Variants in TTN observed in about 807,000 individuals in gnomAD.
The protein encoded by TTN is connectin.
Under a neutral mutation model 3,223.0 loss-of-function variants are expected in TTN, and 1,525 were observed. The observed-to-expected ratio is 0.47, with a 90% CI of 0.45 to 0.49. TTN has a LOEUF of 0.49. TTN is among the 20% of genes least tolerant of loss of function. The probability of loss-of-function intolerance (pLI) is 0.00; values close to 1 mark genes in which losing one functional copy is unlikely to be tolerated. For missense variants in TTN, 40,786 were observed against 43,424.0 expected (o/e 0.94, Z 5.40); for synonymous variants, 14,094 against 15,161.0 (o/e 0.93, Z 5.17).
rs2055077788 is a variant in TTN at position 178,607,127 on chromosome 2, T to A, written c.53475A>T (p.Thr17825=). 1 of 1,612,924 alleles carries A rather than the reference T, an allele frequency of 6.2e-7. No individual in the cohort carries two copies. Among genetic ancestry groups the A allele is most frequent in the African/African-American group, 1.3e-5 (1 of 74,962 alleles). The change falls in exon 278 of 363, where the codon ACA becomes ACT. Residue 17825 remains threonine (T), a synonymous_variant. Transcript: ENST00000589042. ...TATATTCTTGTCCCTCAAGCAGACC[T>A]GTGATGTCACATTTAGATCTCTCAG... ...IETERSKCDI[T]GLLEGQEYKF...
At position 178,557,755 on chromosome 2, in the gene TTN, A is replaced by T; in HGVS notation, c.87599T>A (p.Met29200Lys). Residue 29200 changes from methionine (M) to lysine (K), a missense_variant, in exon 328 of 363, where the codon ATG becomes AAG. Met to Lys is a moderately conservative substitution (Grantham distance 95). Coordinates refer to ENST00000589042, the MANE Select transcript of TTN (RefSeq NM_001267550.2). Reference protein sequence around the residue: ...ATVARTMMKVMKLTTGEEYQF... With the variant: ...ATVARTMMKVKKLTTGEEYQF... ...GTATTCTTCTCCTGTGGTCAGTTTCATGACTTTCATCATGGTTCTTGCAAC... is the reference window on the plus strand; with the variant it reads ...GTATTCTTCTCCTGTGGTCAGTTTCTTGACTTTCATCATGGTTCTTGCAAC... The T allele has an allele frequency of 6.2e-7, 1 of 1,613,954 alleles. No homozygotes were observed.
At chr2:178,750,311 A>G (rs2085076828) in intron 47 of TTN, 2 of 1,613,148 alleles carry the variant, frequency 1.2e-6, no homozygotes, top group African/African-American at 2.7e-5. Flanking sequence ...CACTTTAAGC[A>G]TACTGGTTGT....
rs776781963 is a variant in TTN, at chr2:178,530,075, C to G, written c.106416G>C (p.Lys35472Asn). The G allele has an allele frequency of 6.2e-7, 1 of 1,611,170 alleles. No individual in the cohort carries two copies. Among genetic ancestry groups the G allele is most frequent in the East Asian group, 2.2e-5 (1 of 44,780 alleles). ...TATGAATTTCTAAGAAGAACCCTCCCTTGTCTTCAGAGAGTTTATATTTAC... is the reference window on the plus strand; with the variant it reads ...TATGAATTTCTAAGAAGAACCCTCCGTTGTCTTCAGAGAGTTTATATTTAC... ...QGGKYKLSED[K>N]GGFFLEIHKT... The change falls in exon 359 of 363, where the codon AAG becomes AAC. Residue 35472 changes from lysine (K) to asparagine (N), a missense_variant. Coordinates refer to ENST00000589042, the MANE Select transcript of TTN (RefSeq NM_001267550.2).
In TTN at chr2:178,562,837, G is replaced by A. The variant is rs1385922994; in HGVS notation, c.83295C>T (p.Asp27765=). 2 of 1,612,972 alleles carry A rather than the reference G, an allele frequency of 1.2e-6. No homozygotes were observed. Among genetic ancestry groups the A allele is most frequent in the Admixed American group, 1.7e-5 (1 of 59,880 alleles). ...KTAFVNVRVL[D]SPSAPVNLTI... is the part of the protein sequence containing the mutation. ...TCAAATTCACAGGGGCACTTGGTGAGTCAAGAACTCTGACGTTAACAAAAG... is the reference window on the plus strand; with the variant it reads ...TCAAATTCACAGGGGCACTTGGTGAATCAAGAACTCTGACGTTAACAAAAG... Residue 27765 remains aspartate, a synonymous_variant, in exon 326 of 363, where the codon GAC becomes GAT. Coordinates refer to ENST00000589042, the MANE Select transcript of TTN (RefSeq NM_001267550.2).
Position 178,721,906 on chromosome 2 carries a change from G to A in TTN, c.22757C>T (p.Thr7586Ile). ...KVGKGDSGQY[T>I]CQATNDVGKD... ...GCCAACATCATTGGTTGCTTGGCAA[G>A]TATATTGACCAGAGTCTCCTTTGCC... The change falls in exon 78 of 363, where the codon ACT becomes ATT. Residue 7586 changes from threonine to isoleucine, a missense_variant. Transcript: ENST00000589042. The A allele has an allele frequency of 1.2e-6, 2 of 1,613,410 alleles. No individual in the cohort carries two copies. The highest frequency in any genetic ancestry group is 1.7e-6 in the Non-Finnish European group (2 of 1,179,506).
At chr2:178,614,007 G>T (rs1012558974) in intron 262 of TTN, 45 bp downstream of exon 262, 1 of 1,609,486 alleles carries the variant, frequency 6.2e-7, no homozygotes, top group Non-Finnish European at 8.5e-7. Flanking sequence ...ATGCAAGTTT[G>T]ACATAAGCAT....
intron 344 of TTN, among the ~76,000 whole-genome samples, chr2:178,544,882 A>G (rs552338089): frequency 6.6e-6 from 1 of 152,140 alleles, no homozygotes; most frequent in Non-Finnish European, 1.5e-5. Context: ...TGAATACAAG[A>G]ATTGGTTTCC....
chr2:178,721,866 T>A lies in TTN; in HGVS notation c.22797A>T (p.Ser7599=). ...ATNDVGKDMC[S]AQLSVKEPPK... ...TGATACCTTTTACACTGAGCTGAGC[T>A]GAGCACATGTCTTTGCCAACATCAT... The change falls in exon 78 of 363, where the codon TCA becomes TCT. Residue 7599 remains serine (S), a synonymous_variant. Transcript: ENST00000589042. 6.2e-7 allele frequency: 1 copy of A among 1,611,208 alleles called. No homozygotes were observed. The highest frequency in any genetic ancestry group is 8.5e-7 in the Non-Finnish European group (1 of 1,178,500).
rs2080609627 is a variant in TTN at position 178,731,956 on chromosome 2, G to C, written c.16919C>G (p.Thr5640Ser). 5.0e-6 allele frequency: 8 copies of C among 1,606,436 alleles called. No individual in the cohort carries two copies. The highest frequency in any genetic ancestry group is 6.8e-6 in the Non-Finnish European group (8 of 1,174,332). ...GACTTCAATTGGCTTAAATTCCTTG[G>C]TAAAATAAGGTGACTCTACAGTAAA... ...IVIVKESPYFTKEFKPIEVLK... is the reference protein window; with the variant it reads ...IVIVKESPYFSKEFKPIEVLK... Residue 5640 changes from threonine (T) to serine (S), a missense_variant, in exon 58 of 363, where the codon ACC becomes AGC. Thr to Ser is a moderately conservative substitution (Grantham distance 58). Transcript: ENST00000589042.
intron 288 of TTN, 47 bp from the exon 289 acceptor site, chr2:178,599,897 G>A (rs1367224566): frequency 9.4e-6 from 14 of 1,495,528 alleles, no homozygotes; most frequent in Non-Finnish European, 1.2e-5. Flanking sequence ...AAGCATTGAG[G>A]GATAGAAAGT....
chr2:178,624,427 A>G (rs765151734), intron 242 of TTN, 38 bp downstream of exon 242: 1 of 1,607,446 alleles, frequency 6.2e-7, no homozygotes, highest in Admixed American at 1.7e-5. Context: ...TTATTAAAGA[A>G]TTGCAAATGA....
intron 242 of TTN, among the ~76,000 whole-genome samples, chr2:178,623,966 T>C (rs897297696): frequency 1.3e-5 from 2 of 151,968 alleles, no homozygotes; most frequent in African/African-American, 2.4e-5. Flanking sequence ...GATTGAATCA[T>C]GTGAATGTGC....
Position 178,550,177 on chromosome 2 carries a change from G to T in TTN, c.91661C>A (p.Pro30554Gln). The change falls in exon 337 of 363, where the codon CCA becomes CAA. Residue 30554 changes from proline to glutamine, a missense_variant. Coordinates refer to ENST00000589042, the MANE Select transcript of TTN (RefSeq NM_001267550.2). ...LRIKALVQGR[P>Q]VPRVTWFKDG... ...TTTGAACCAAGTTACTCGAGGCACTGGTCTTCCTTGTACCAAAGCTTTAAT... is the reference window on the plus strand; with the variant it reads ...TTTGAACCAAGTTACTCGAGGCACTTGTCTTCCTTGTACCAAAGCTTTAAT... The T allele has an allele frequency of 6.2e-7, 1 of 1,613,738 alleles. No homozygotes were observed. Among genetic ancestry groups the T allele is most frequent in the Non-Finnish European group, 8.5e-7 (1 of 1,179,766 alleles).
rs372782502 is a variant in TTN at position 178,576,035 on chromosome 2, A to G, written c.70097T>C (p.Val23366Ala). ...VRAGLSIRIFVPIKGRPAPEV... is the reference protein window; with the variant it reads ...VRAGLSIRIFAPIKGRPAPEV... The stretch of plus-strand genomic sequence containing the variant: ...AGGAGCAGGACGACCTTTAATTGGC[A>G]CAAATATCCTAATACTGAGTCCTGC... Residue 23366 changes from valine to alanine, a missense_variant, in exon 326 of 363, where the codon GTG becomes GCG. Transcript: ENST00000589042. This position sits in a 1 kb window ranked among gnomAD's most constrained non-coding sequence, Gnocchi z 4.3. 181 of 1,613,296 alleles carry G rather than the reference A, an allele frequency of 1.1e-4. 1 individual carries two copies. In the South Asian group the frequency reaches 1.9e-3, roughly 17 times the overall value.
In TTN at chr2:178,729,028, T is replaced by C; in HGVS notation, c.19010A>G (p.Asn6337Ser). The change falls in exon 65 of 363, where the codon AAT (asparagine) becomes AGT (serine). Residue 6337 changes from asparagine (N) to serine (S), a missense_variant. By Grantham distance (46) the Asn-to-Ser change is conservative. Coordinates refer to ENST00000589042, the MANE Select transcript of TTN (RefSeq NM_001267550.2). The stretch of plus-strand genomic sequence containing the variant: ...ACTGTCCACAAATGAAATATAGACA[T>C]TATCATCTTCATCAAGAATCTGATC... ...KDDQILDEDD[N>S]VYISFVDSVA... 1 of 1,612,968 alleles carries C rather than the reference T, an allele frequency of 6.2e-7. No homozygotes were observed. Among genetic ancestry groups the C allele is most frequent in the South Asian group, 1.1e-5 (1 of 90,974 alleles).
In TTN at chr2:178,720,414, T is replaced by C. The variant is rs2078167222; in HGVS notation, c.23348A>G (p.Asp7783Gly). Reference protein sequence around the residue: ...HCKATNEVGSDTCSCSVKFKE... With the variant: ...HCKATNEVGSGTCSCSVKFKE... ...GAACTTGACAGAGCAAGAACACGTG[T>C]CACTTCCCACCTCATTAGTAGCTTT... The change falls in exon 80 of 363, where the codon GAC becomes GGC. Residue 7783 changes from aspartate (D) to glycine (G), a missense_variant. Transcript: ENST00000589042. 1 of 1,613,112 alleles carries C rather than the reference T, an allele frequency of 6.2e-7. No homozygotes were observed. The highest frequency in any genetic ancestry group is 1.7e-5 in the Admixed American group (1 of 59,942).
chr2:178,619,511 G>A, intron 250 of TTN, 110 bp downstream of exon 250: 2 of 1,383,824 alleles, frequency 1.4e-6, no homozygotes, highest in Admixed American at 2.4e-5. Context: ...TGTGGGTAGG[G>A]CTTGCTAGAA....
intron 259 of TTN, 143 bp downstream of exon 259, chr2:178,615,164 A>G (rs2057097405): frequency 9.2e-7 from 1 of 1,092,476 alleles, no homozygotes; most frequent in South Asian, 1.5e-5. Flanking sequence ...CAGTACATTC[A>G]GCAGCACCTT....
intron 266 of TTN, 46 bp from the exon 267 acceptor site, chr2:178,612,208 A>G: frequency 1.2e-6 from 2 of 1,605,012 alleles, no homozygotes; most frequent in Non-Finnish European, 1.7e-6. Flanking sequence ...AGGAAAGGTG[A>G]TAATCTCCTG....
Sources: gnomAD v4.1 joint callset for allele counts (sites outside exome capture counted in the v4.1 genomes callset) on GRCh38, gnomAD v4.1.1 for gene constraint, Gnocchi (gnomAD v3.1) non-coding constraint, MANE v1.5 for transcripts, NCBI Gene and HGNC (gene_info 2026-07-23, HGNC 2026-07-21) for gene names.